Variants in ACSM5 observed in about 807,000 individuals in gnomAD.
ACSM5 encodes the protein acyl-coenzyme A synthetase ACSM5, mitochondrial.
Under a neutral mutation model 71.6 loss-of-function variants are expected in ACSM5, and 56 were observed. That is an observed-to-expected ratio of 0.78 (90% confidence interval 0.63 to 0.98). The LOEUF (loss-of-function observed/expected upper bound fraction) is 0.98, where lower values mean the gene tolerates loss of function less well. ACSM5 is among the 50% of genes least tolerant of loss of function. The pLI is 0.00. For synonymous variants in ACSM5, 285 were observed against 281.5 expected (o/e 1.01, Z -0.12); for missense variants, 723 against 726.0 (o/e 1.00, Z 0.05).
At chr16:20,413,514 A>G (rs1356601661) in intron 2 of ACSM5, among the ~76,000 whole-genome samples, 4 of 152,236 alleles carry the variant, frequency 2.6e-5, no homozygotes, top group Non-Finnish European at 5.9e-5. Context: ...CAAAACAATC[A>G]CAGACAAATG....
intron 7 of ACSM5, among the ~76,000 whole-genome samples, chr16:20,428,302 G>T (rs1389170097): frequency 6.6e-6 from 1 of 152,172 alleles, no homozygotes; most frequent in East Asian, 1.9e-4. Context: ...GGGCCCTCAG[G>T]TGTGGTGAAA....
At position 20,429,674 on chromosome 16, in the gene ACSM5, A is replaced by G. The variant is rs766331737; in HGVS notation, c.1002-4A>G. On this transcript the variant is annotated splice_region_variant and splice_polypyrimidine_tract_variant and intron_variant, in intron 7 of 13. Transcript: ENST00000331849. ...AGGTGGCCTTGTTTTCCTGTCTGAG[A>G]AAGGTACCAGTTTCAGAGCCTGAGG... 3.6e-5 allele frequency: 58 copies of G among 1,613,780 alleles called. No homozygotes were observed. The South Asian group carries it at 5.7e-4, about 16-fold the overall frequency.
intron 6 of ACSM5, among the ~76,000 whole-genome samples, chr16:20,426,902 A>G (rs1457854704): frequency 3.3e-5 from 5 of 152,064 alleles, no homozygotes; most frequent in African/African-American, 1.2e-4. Context: ...AACCGTTCCA[A>G]TGGGCAAATC....
rs1454167837 is a variant in ACSM5, at chr16:20,418,245, G to C, written c.391G>C (p.Val131Leu). 6.2e-7 allele frequency: 1 copy of C among 1,611,838 alleles called. No individual in the cohort carries two copies. Among genetic ancestry groups the C allele is most frequent in the African/African-American group, 1.3e-5 (1 of 74,850 alleles). Residue 131 changes from valine to leucine, a missense_variant, in exon 3 of 14, where the codon GTC becomes CTC. Physicochemically the swap from Val to Leu is conservative, Grantham distance 32. Transcript: ENST00000331849. ...VLPRLPEWWL[V>L]SVACMRTGTV... ...CCCACGGCTCCCGGAGTGGTGGCTG[G>C]TCAGTGTGGCTTGCATGCGGACAGG...
At chr16:20,434,857 T>G (rs1967163398) in intron 10 of ACSM5, among the ~76,000 whole-genome samples, 1 of 152,262 alleles carries the variant, frequency 6.6e-6, no homozygotes, top group Non-Finnish European at 1.5e-5. Flanking sequence ...AACTCTAACC[T>G]TGTTATTCAA....
rs371032043 is a variant in ACSM5 at position 20,440,405 on chromosome 16, G to A, written c.1718G>A (p.Arg573Gln). 1.4e-5 allele frequency: 22 copies of A among 1,610,682 alleles called. 1 individual carries two copies. Among genetic ancestry groups the A allele is most frequent in the South Asian group, 8.8e-5 (8 of 91,002 alleles). The stretch of plus-strand genomic sequence containing the variant: ...GGAAAGATCCAAAGGAGTAAATTGC[G>A]AAGTCAGGAGTGGGGGAAATGAGGT... ...VSGKIQRSKLRSQEWGK is the reference protein window; with the variant it reads ...VSGKIQRSKLQSQEWGK Residue 573 changes from arginine to glutamine, a missense_variant, in exon 14 of 14, where the codon CGA becomes CAA. By Grantham distance (43) the Arg-to-Gln change is conservative. Coordinates refer to ENST00000331849, the MANE Select transcript of ACSM5 (RefSeq NM_017888.3).
At chr16:20,421,667 A>C (rs1332099567) in intron 5 of ACSM5, among the ~76,000 whole-genome samples, 3 of 141,604 alleles carry the variant, frequency 2.1e-5, no homozygotes, top group Non-Finnish European at 4.5e-5. Flanking sequence ...ACACACACAC[A>C]TATATATACA....
chr16:20,432,026 G>T (rs1036707326), intron 10 of ACSM5, among the ~76,000 whole-genome samples: 2 of 151,964 alleles, frequency 1.3e-5, no homozygotes, highest in African/African-American at 2.4e-5. Context: ...CTGTCTTCAG[G>T]ATTCTCTTTG....
In ACSM5 at chr16:20,411,571, A is replaced by G; in HGVS notation, c.87A>G (p.Leu29=). The G allele has an allele frequency of 6.2e-7, 1 of 1,614,118 alleles. No individual in the cohort carries two copies. The highest frequency in any genetic ancestry group is 8.5e-7 in the Non-Finnish European group (1 of 1,180,012). ...GGTCTCATGGGAAGCCAGCACCTCTACCTGTTCCTCAGAAGATCGTGGCCA... is the reference window on the plus strand; with the variant it reads ...GGTCTCATGGGAAGCCAGCACCTCTGCCTGTTCCTCAGAAGATCGTGGCCA... ...FCGSHGKPAP[L]PVPQKIVATW... is the part of the protein sequence containing the mutation. The change falls in exon 2 of 14, where the codon CTA becomes CTG. Residue 29 remains leucine (L), a synonymous_variant. Transcript: ENST00000331849.
intron 6 of ACSM5, among the ~76,000 whole-genome samples, chr16:20,426,853 C>T (rs1289871034): frequency 1.3e-5 from 2 of 152,114 alleles, no homozygotes; most frequent in African/African-American, 4.8e-5. Context: ...TTGCACAACA[C>T]TCTGGAAATG....
At chr16:20,421,223 G>A (rs142481473) in intron 4 of ACSM5, 35 bp from the exon 5 acceptor site, 24,277 of 1,531,672 alleles carry the variant, frequency 0.016, 280 homozygotes, top group South Asian at 0.026. Context: ...TGTTTTTACC[G>A]TGGTAGTGCC....
At chr16:20,428,474 C>A (rs923336500) in intron 7 of ACSM5, among the ~76,000 whole-genome samples, 6 of 152,220 alleles carry the variant, frequency 3.9e-5, no homozygotes, top group Non-Finnish European at 8.8e-5. Context: ...TCTAGCAGAA[C>A]AGGGCTGGTT....
chr16:20,439,086 A>C (rs1054268577), intron 12 of ACSM5, among the ~76,000 whole-genome samples: 14 of 149,706 alleles, frequency 9.4e-5, no homozygotes, highest in Middle Eastern at 3.4e-3. Flanking sequence ...CCCTGTGGGA[A>C]GTATGCAAGG....
At chr16:20,424,129 A>G in intron 6 of ACSM5, 60 bp downstream of exon 6, 1 of 1,585,872 alleles carries the variant, frequency 6.3e-7, no homozygotes, top group African/African-American at 1.3e-5. Flanking sequence ...TGAGTGGGAT[A>G]TAGATTTCAG....
rs1966926818 is a variant in ACSM5 at position 20,423,946 on chromosome 16, C to G, written c.798C>G (p.Ile266Met). The G allele has an allele frequency of 1.2e-6, 2 of 1,614,058 alleles. No homozygotes were observed. The highest frequency in any genetic ancestry group is 2.7e-5 in the African/African-American group (2 of 74,930). ...RRWVALTESD[I>M]FWNTTDTGWV... ...GGGTGGCCTTGACCGAATCTGACAT[C>G]TTCTGGAACACGACTGACACTGGCT... Residue 266 changes from isoleucine (I) to methionine (M), a missense_variant, in exon 6 of 14, where the codon ATC becomes ATG. Transcript: ENST00000331849.
At chr16:20,434,503 G>T (rs1313483845) in intron 10 of ACSM5, among the ~76,000 whole-genome samples, 1 of 152,176 alleles carries the variant, frequency 6.6e-6, no homozygotes, top group Non-Finnish European at 1.5e-5. Context: ...AGACCAGCCT[G>T]ACCAATATGG....
chr16:20,424,792 G>A (rs1218382256), intron 6 of ACSM5, among the ~76,000 whole-genome samples: 1 of 152,202 alleles, frequency 6.6e-6, no homozygotes, highest in Non-Finnish European at 1.5e-5. Context: ...TAGATTTGCT[G>A]CGAGAATGAA....
chr16:20,430,628 A>G (rs1967074219), intron 8 of ACSM5, among the ~76,000 whole-genome samples: 1 of 151,920 alleles, frequency 6.6e-6, no homozygotes, highest in African/African-American at 2.4e-5. Context: ...GAAAAAGATG[A>G]ATGGAAGGAA....
At position 20,421,241 on chromosome 16, in the gene ACSM5, G is replaced by A. The variant is rs1236053672; in HGVS notation, c.624-17G>A. 6.4e-7 allele frequency: 1 copy of A among 1,552,626 alleles called. No homozygotes were observed. Among genetic ancestry groups the A allele is most frequent in the Non-Finnish European group, 8.8e-7 (1 of 1,140,868 alleles). On this transcript the variant is annotated splice_polypyrimidine_tract_variant and intron_variant, in intron 4 of 13. Transcript: ENST00000331849. Reference sequence around the variant, plus strand: ...TTTTACCGTGGTAGTGCCACCTAGTGTATTTACGTTTTACAGGGAGGCTTC... The same window carrying A: ...TTTTACCGTGGTAGTGCCACCTAGTATATTTACGTTTTACAGGGAGGCTTC...
Sources: gnomAD v4.1 joint callset for allele counts (sites outside exome capture counted in the v4.1 genomes callset) on GRCh38, gnomAD v4.1.1 for gene constraint, MANE v1.5 for transcripts, NCBI Gene and HGNC (gene_info 2026-07-23, HGNC 2026-07-21) for gene names.